Variants in TPRG1 observed in about 807,000 individuals in gnomAD.
TPRG1 encodes tumor protein p63 regulated 1.
TPRG1 carries 29 observed loss-of-function variants against 29.3 expected under a neutral mutation model. That is an observed-to-expected ratio of 0.99 (90% CI 0.74 to 1.35). The LOEUF (loss-of-function observed/expected upper bound fraction) is 1.35, where lower values mean the gene tolerates loss of function less well. Among genes scored for constraint, TPRG1 ranks in the 40% most tolerant of loss-of-function variants. The pLI is 0.00. For synonymous variants in TPRG1, 130 were observed against 116.8 expected, an observed-to-expected ratio of 1.11 and a Z score of -0.73; for missense variants, 327 against 335.0, an observed-to-expected ratio of 0.98 and a Z score of 0.19.
intron 5 of TPRG1, among the ~76,000 whole-genome samples, chr3:189,156,619 G>C (rs561272159): frequency 6.6e-6 from 1 of 152,302 alleles, no homozygotes; most frequent in South Asian, 2.1e-4. Flanking sequence ...GCTATGCTAA[G>C]AGGATAAACC....
At chr3:189,102,957 A>T (rs976053246) in intron 1 of TPRG1, among the ~76,000 whole-genome samples, 1 of 152,022 alleles carries the variant, frequency 6.6e-6, no homozygotes, top group Non-Finnish European at 1.5e-5. Flanking sequence ...CTTCCTCTTA[A>T]ACTTGTCTCA....
intron 3 of TPRG1, among the ~76,000 whole-genome samples, chr3:189,133,452 C>G (rs186813970): frequency 8.5e-5 from 13 of 152,102 alleles, no homozygotes; most frequent in African/African-American, 3.1e-4. Flanking sequence ...TTGTAATCCC[C>G]TCGTATTGAG....
At chr3:189,287,320 T>G (rs1718218896) in intron 4 of TPRG1, among the ~76,000 whole-genome samples, 1 of 152,078 alleles carries the variant, frequency 6.6e-6, no homozygotes, top group African/African-American at 2.4e-5. Flanking sequence ...GAATCAAGTA[T>G]TTTGGCTTTA....
intron 5 of TPRG1, among the ~76,000 whole-genome samples, chr3:189,159,782 G>C (rs956561147): frequency 1.3e-5 from 2 of 151,702 alleles, no homozygotes; most frequent in African/African-American, 4.8e-5. Flanking sequence ...AGATTCATAC[G>C]CACAGTCCTG....
At position 189,220,683 on chromosome 3, in the gene TPRG1, G is replaced by A. The variant is rs549537578; in HGVS notation, c.302+5300G>A. Among the ~76,000 whole-genome samples the A allele has an allele frequency of 8.5e-5, 13 of 152,158 alleles. No homozygotes were observed. The South Asian group carries it at 2.7e-3, about 32-fold the overall frequency. ...GCTCCCACTTATAAGTCAGAACATGGGGTATTTGGTTTTCTGTTCCTGTAT... is the reference window on the plus strand; with the variant it reads ...GCTCCCACTTATAAGTCAGAACATGAGGTATTTGGTTTTCTGTTCCTGTAT... On this transcript the variant is annotated intron_variant, in intron 3 of 5. Coordinates refer to ENST00000345063, the MANE Select transcript of TPRG1 (RefSeq NM_198485.4).
chr3:189,207,860 A>G (rs188879555), intron 2 of TPRG1, among the ~76,000 whole-genome samples: 49 of 152,338 alleles, frequency 3.2e-4, no homozygotes, highest in Non-Finnish European at 6.6e-4. Context: ...GTTTGTGTTT[A>G]TGCTAAACCT....
At chr3:189,037,382 C>G (rs551141781) in intron 4 of TPRG1, among the ~76,000 whole-genome samples, 2 of 151,786 alleles carry the variant, frequency 1.3e-5, no homozygotes, top group Non-Finnish European at 3.0e-5. Flanking sequence ...ACTAAGGAAA[C>G]AAATCATATG....
At chr3:189,056,963 A>T (rs1715739988) in intron 4 of TPRG1, among the ~76,000 whole-genome samples, 2 of 152,200 alleles carry the variant, frequency 1.3e-5, no homozygotes, top group Admixed American at 6.5e-5. Flanking sequence ...GTGCTCTTCC[A>T]ACTGCATCTT....
chr3:189,307,168 T>C (rs1269547046), intron 4 of TPRG1, among the ~76,000 whole-genome samples: 1 of 151,888 alleles, frequency 6.6e-6, no homozygotes, highest in Non-Finnish European at 1.5e-5. Flanking sequence ...GATTACAGGC[T>C]CCCACCACCA....
intron 1 of TPRG1, among the ~76,000 whole-genome samples, chr3:189,190,414 C>T (rs1202858597): frequency 6.6e-6 from 1 of 152,160 alleles, no homozygotes; most frequent in Non-Finnish European, 1.5e-5. Context: ...CTGGTCTAAA[C>T]ACATCGCCTC....
intron 5 of TPRG1, among the ~76,000 whole-genome samples, chr3:189,156,371 T>A (rs1726676032): frequency 6.6e-6 from 1 of 150,952 alleles, no homozygotes; most frequent in Non-Finnish European, 1.5e-5. Flanking sequence ...AAAAAAAAAA[T>A]TATGTTGTGT....
intron 4 of TPRG1, among the ~76,000 whole-genome samples, chr3:189,247,591 GTTGT>G (rs948271020): frequency 6.6e-6 from 1 of 151,700 alleles, no homozygotes; most frequent in African/African-American, 2.4e-5. Flanking sequence ...AGTTTTTTTG[GTTGT>G]TTGTTTTTTT....
chr3:189,166,553 A>C (rs1030363602), intron 5 of TPRG1, among the ~76,000 whole-genome samples: 1 of 152,228 alleles, frequency 6.6e-6, no homozygotes, highest in African/African-American at 2.4e-5. Context: ...TCAACTAGGG[A>C]AGTAACTCTC....
chr3:189,103,014 G>T (rs1308264013), intron 1 of TPRG1, among the ~76,000 whole-genome samples: 1 of 152,062 alleles, frequency 6.6e-6, no homozygotes, highest in Admixed American at 6.5e-5. Context: ...TGATGCCTGT[G>T]GTTTATTTTG....
At chr3:189,117,655 G>A (rs1473915964) in intron 1 of TPRG1, among the ~76,000 whole-genome samples, 1 of 152,198 alleles carries the variant, frequency 6.6e-6, no homozygotes, top group Non-Finnish European at 1.5e-5. Context: ...CCCACATGCT[G>A]TTCTTGTGAT....
At chr3:189,120,059 T>C (rs996893874) in intron 1 of TPRG1, among the ~76,000 whole-genome samples, 11 of 152,190 alleles carry the variant, frequency 7.2e-5, no homozygotes, top group African/African-American at 2.7e-4. Context: ...CATCATTAAC[T>C]GTGCCCCAAA....
intron 4 of TPRG1, among the ~76,000 whole-genome samples, chr3:189,246,810 G>T (rs1243934664): frequency 6.6e-6 from 1 of 152,066 alleles, no homozygotes; most frequent in Non-Finnish European, 1.5e-5. Context: ...CTTTCAAGAC[G>T]TTGTTCCACC....
chr3:189,082,154 G>A (rs1481672906), intron 4 of TPRG1, among the ~76,000 whole-genome samples: 1 of 152,202 alleles, frequency 6.6e-6, no homozygotes, highest in African/African-American at 2.4e-5. Context: ...AAACATAAGA[G>A]GGTGTGTGTC....
intron 3 of TPRG1, 75 bp from the exon 4 acceptor site, chr3:189,238,658 A>T: frequency 7.8e-7 from 1 of 1,277,616 alleles, no homozygotes; most frequent in Non-Finnish European, 1.1e-6. Context: ...TTTCTGTGCT[A>T]GGAGAGATGT....
Sources: gnomAD v4.1 joint callset for allele counts (sites outside exome capture counted in the v4.1 genomes callset) on GRCh38, gnomAD v4.1.1 for gene constraint, MANE v1.5 for transcripts, NCBI Gene and HGNC (gene_info 2026-07-23, HGNC 2026-07-21) for gene names.